TEX9: variants seen among roughly 807,000 people sequenced by gnomAD.
TEX9 encodes the protein testis expressed 9, also known as testis-expressed protein 9.
TEX9 carries 74 observed loss-of-function variants against 59.6 expected under a neutral mutation model. The observed-to-expected ratio is 1.24, with a 90% CI of 1.03 to 1.51. The LOEUF is 1.51. Ranked by LOEUF, TEX9 falls within the 40% of genes most tolerant of loss-of-function variation. The pLI, the probability that TEX9 is intolerant of heterozygous loss-of-function variation, is 0.00. For synonymous variants in TEX9, 186 were observed against 152.2 expected (o/e 1.22, Z -1.64); for missense variants, 522 against 447.8 (o/e 1.17, Z -1.49).
rs1371853135 is a variant in TEX9, at chr15:56,342,356, C to T, written c.-106-31085C>T. Among the ~76,000 whole-genome samples, 3 of 152,232 alleles carry T rather than the reference C, an allele frequency of 2.0e-5. No homozygotes were observed. The East Asian group carries it at 5.8e-4, about 29-fold the overall frequency. The stretch of plus-strand genomic sequence containing the variant: ...ACACACAGCCACATGGCTACCTCTA[C>T]TCAGTTTTTGAAAATTCAGCCCCAA... On this transcript the variant is annotated intron_variant, in intron 1 of 5. Coordinates refer to the TEX9 transcript ENST00000560827.
At chr15:56,291,741 C>T (rs1257503067) in intron 1 of TEX9, among the ~76,000 whole-genome samples, 1 of 152,160 alleles carries the variant, frequency 6.6e-6, no homozygotes, top group Admixed American at 6.5e-5. Flanking sequence ...AGCAAAGATT[C>T]ATTCTGACTA....
intron 12 of TEX9, chr15:56,429,096 T>A: frequency 3.2e-6 from 5 of 1,563,540 alleles, no homozygotes; most frequent in Non-Finnish European, 4.4e-6. Flanking sequence ...CCAATTTTGA[T>A]GATATCATTT....
chr15:56,440,840 A>G (rs4390535), intron 12 of TEX9, among the ~76,000 whole-genome samples: 4,465 of 152,230 alleles, frequency 0.029, 238 homozygotes, highest in African/African-American at 0.1. Context: ...GCTGAATAAC[A>G]TTTTATTACA....
intron 9 of TEX9, chr15:56,396,880 CTCTT>C (rs1220092075): frequency 6.6e-6 from 1 of 152,346 alleles, no homozygotes; most frequent in Non-Finnish European, 1.5e-5. Context: ...ATAAACCTCT[CTCTT>C]TTGTAAATTG....
chr15:56,443,652 G>A lies in TEX9; in HGVS notation c.*30-2019G>A. ...TATTTTAATACCGCATTCTGAAGCT[G>A]TAGCCTTTTCTCCTCATTTTCTTGA... On this transcript the variant is annotated intron_variant, in intron 12 of 12. Coordinates refer to ENST00000352903, the Ensembl canonical transcript of TEX9. 1.9e-6 allele frequency: 3 copies of A among 1,612,556 alleles called. No homozygotes were observed. In the Middle Eastern group the frequency reaches 5.0e-4, roughly 266 times the overall value.
Position 56,277,255 on chromosome 15 carries a change from A to G in TEX9, c.-107+32977A>G, listed in dbSNP as rs541145386. The stretch of plus-strand genomic sequence containing the variant: ...AGTCATGAAGTCTTTGTCCGTGCCT[A>G]TGTCCTGAATGGTATTGCCTAGGTT... On this transcript the variant is annotated intron_variant, in intron 1 of 5. Transcript: ENST00000560827. 7.2e-5 allele frequency among the ~76,000 whole-genome samples: 11 copies of G among 152,238 alleles called. No individual in the cohort carries two copies. The East Asian group carries it at 1.7e-3, about 24-fold the overall frequency.
chr15:56,426,202 T>C (rs771618919), intron 10 of TEX9, among the ~76,000 whole-genome samples: 1 of 152,032 alleles, frequency 6.6e-6, no homozygotes, highest in Non-Finnish European at 1.5e-5. Context: ...GCAAGACAGA[T>C]AGCAGTCCCT....
intron 1 of TEX9, among the ~76,000 whole-genome samples, chr15:56,293,288 G>T (rs2045139201): frequency 6.6e-6 from 1 of 152,106 alleles, no homozygotes; most frequent in Admixed American, 6.6e-5. Context: ...AGTAAGCCAT[G>T]ATTGTGCCAC....
At chr15:56,344,175 C>A (rs1409665795) in intron 1 of TEX9, among the ~76,000 whole-genome samples, 1 of 152,098 alleles carries the variant, frequency 6.6e-6, no homozygotes, top group African/African-American at 2.4e-5. Flanking sequence ...GGTATATATC[C>A]AAGAGAACTG....
chr15:56,363,736 G>C (rs2141931502), upstream of TEX9, among the ~76,000 whole-genome samples: 1 of 151,760 alleles, frequency 6.6e-6, no homozygotes, highest in Non-Finnish European at 1.5e-5. Context: ...TGTGACCATG[G>C]CTCTTTGCAG....
chr15:56,394,203 A>T, exon 8 of TEX9: 2 of 1,609,316 alleles, frequency 1.2e-6, no homozygotes, highest in Non-Finnish European at 1.7e-6. Flanking sequence ...ACTCCATGTT[A>T]TGCAGGAGGA....
chr15:56,358,185 C>T (rs1301291825), intron 1 of TEX9, among the ~76,000 whole-genome samples: 1 of 152,064 alleles, frequency 6.6e-6, no homozygotes, highest in East Asian at 1.9e-4. Flanking sequence ...AATACAGTTC[C>T]CTGGGGCATT....
chr15:56,395,169 T>C, intron 9 of TEX9: 1 of 280,258 alleles, frequency 3.6e-6, no homozygotes, highest in Non-Finnish European at 6.6e-6. Flanking sequence ...ACCACTATTC[T>C]ATTTTATGTC....
intron 1 of TEX9, among the ~76,000 whole-genome samples, chr15:56,345,897 G>C (rs1173178515): frequency 1.3e-5 from 2 of 152,150 alleles, no homozygotes; most frequent in African/African-American, 2.4e-5. Flanking sequence ...GGATGTCCGT[G>C]GCTGGATTCT....
At chr15:56,350,571 C>T (rs1304170482) in intron 1 of TEX9, among the ~76,000 whole-genome samples, 1 of 152,222 alleles carries the variant, frequency 6.6e-6, no homozygotes, top group Non-Finnish European at 1.5e-5. Flanking sequence ...AGATTCTACT[C>T]ATTTAATCTA....
chr15:56,305,013 C>T (rs144326605), intron 1 of TEX9, among the ~76,000 whole-genome samples: 22 of 152,150 alleles, frequency 1.4e-4, no homozygotes, highest in African/African-American at 4.8e-4. Flanking sequence ...GAAAAGAAAT[C>T]GAGAATGTAA....
chr15:56,425,075 T>G (rs1449296721), intron 10 of TEX9, among the ~76,000 whole-genome samples: 1 of 152,186 alleles, frequency 6.6e-6, no homozygotes, highest in Non-Finnish European at 1.5e-5. Context: ...TACTGACTTC[T>G]GGCCTGTAAA....
At chr15:56,455,271 A>C in the TEX9 span, among the ~76,000 whole-genome samples, 2 of 127,412 alleles carry the variant, frequency 1.6e-5, no homozygotes, top group African/African-American at 2.9e-5. Flanking sequence ...AAAAAAAAAA[A>C]CCATGAGTAA....
chr15:56,366,043 G>C (rs1256528997), intron 2 of TEX9: 12 of 425,246 alleles, frequency 2.8e-5, no homozygotes, highest in Non-Finnish European at 4.0e-5. Flanking sequence ...AGTTTACCTT[G>C]TGTAAATTTC....
Sources: allele counts gnomAD v4.1 joint callset (sites outside exome capture counted in the v4.1 genomes callset), GRCh38; gene constraint gnomAD v4.1.1; transcripts MANE v1.5; gene names NCBI Gene and HGNC (gene_info 2026-07-23, HGNC 2026-07-21).